Variants in POSTN observed in about 807,000 individuals in gnomAD.
POSTN encodes periostin.
In POSTN, 71 loss-of-function variants were observed where a neutral mutation model predicts 104.5. That is an observed-to-expected ratio of 0.68 (90% confidence interval 0.56 to 0.83). The LOEUF (loss-of-function observed/expected upper bound fraction) is 0.83. Among genes scored for constraint, POSTN ranks in the 40% least tolerant of loss-of-function variants. POSTN has a pLI of 0.00. For synonymous variants in POSTN, 355 were observed against 340.7 expected, an observed-to-expected ratio of 1.04 and a Z score of -0.46; for missense variants, 949 against 1,006.8, an observed-to-expected ratio of 0.94 and a Z score of 0.78.
At chr13:37,594,160 TA>T (rs2138395396) in intron 2 of POSTN, among the ~76,000 whole-genome samples, 1 of 152,228 alleles carries the variant, frequency 6.6e-6, no homozygotes, top group African/African-American at 2.4e-5. Flanking sequence ...AAAGATTGAT[TA>T]ACAATTGCTT....
At position 37,567,012 on chromosome 13, in the gene POSTN, G is replaced by A. The variant is rs558724108; in HGVS notation, c.2431+2288C>T. ...AGCACTTTGGGAGGCCGAGGCGGGC[G>A]GATCACGAGGTCAGGAGATCGAGAC... On this transcript the variant is annotated intron_variant, in intron 21 of 22. Transcript: ENST00000379747. Among the ~76,000 whole-genome samples the A allele has an allele frequency of 2.8e-3, 430 of 151,172 alleles. 1 individual carries two copies. Among genetic ancestry groups the A allele is most frequent in the African/African-American group, 9.9e-3 (408 of 41,092 alleles).
intron 7 of POSTN, among the ~76,000 whole-genome samples, chr13:37,585,625 C>T (rs1453395639): frequency 8.5e-5 from 13 of 152,126 alleles, no homozygotes; most frequent in Admixed American, 7.9e-4. Context: ...AAAATTTTCT[C>T]ATCTTAAATT....
At chr13:37,573,740 G>A (rs557259512) in intron 17 of POSTN, among the ~76,000 whole-genome samples, 97 of 151,558 alleles carry the variant, frequency 6.4e-4, no homozygotes, top group Admixed American at 8.5e-4. Context: ...CTCTGGGTAA[G>A]TTGCTACATT....
Position 37,582,417 on chromosome 13 carries a change from T to C in POSTN, c.1341A>G (p.Gln447=). ...KVGLNELYNG[Q]ILETIGGKQL... ...GTTTGCCTCCGATGGTTTCCAGTAT[T>C]TGCCCGTTGTAAAGCTCATTAAGGC... The change falls in exon 10 of 23, where the codon CAA becomes CAG. Residue 447 remains glutamine (Q), a synonymous_variant. Coordinates refer to ENST00000379747, the MANE Select transcript of POSTN (RefSeq NM_006475.3). 8 of 1,613,960 alleles carry C rather than the reference T, an allele frequency of 5.0e-6. No homozygotes were observed. The highest frequency in any genetic ancestry group is 6.8e-6 in the Non-Finnish European group (8 of 1,179,932).
At chr13:37,588,807 T>C (rs1950836534) in intron 4 of POSTN, among the ~76,000 whole-genome samples, 1 of 152,206 alleles carries the variant, frequency 6.6e-6, no homozygotes, top group South Asian at 2.1e-4. Context: ...ATAACTTTAA[T>C]GCCCTAAGAG....
In POSTN at chr13:37,587,995, A is replaced by C; in HGVS notation, c.442-9T>G. The C allele has an allele frequency of 6.3e-7, 1 of 1,578,352 alleles. No homozygotes were observed. Among genetic ancestry groups the C allele is most frequent in the Non-Finnish European group, 8.7e-7 (1 of 1,155,406 alleles). On this transcript the variant is annotated splice_polypyrimidine_tract_variant and intron_variant, in intron 4 of 22. Coordinates refer to ENST00000379747, the MANE Select transcript of POSTN (RefSeq NM_006475.3). ...AAACCTCTACGGATATCCTAGGAAA[A>C]ATTGCAATGATAGAAATTCAATTTA... is the stretch of plus-strand genomic sequence containing the variant.
At chr13:37,587,058 A>G (rs2138331269) in intron 5 of POSTN, 130 bp from the exon 6 acceptor site, 1 of 750,190 alleles carries the variant, frequency 1.3e-6, no homozygotes, top group Non-Finnish European at 2.1e-6. Context: ...TTGTAAATGT[A>G]AACGCTGTGG....
chr13:37,595,670 A>G (rs1593372902), intron 2 of POSTN, among the ~76,000 whole-genome samples: 1 of 152,202 alleles, frequency 6.6e-6, no homozygotes, highest in Non-Finnish European at 1.5e-5. Flanking sequence ...TTTAAGAACA[A>G]TTGATATTAT....
chr13:37,579,242 A>T lies in POSTN; in HGVS notation c.1778T>A (p.Ile593Asn). ...TAGACAACTTACTTCTTTCAGAAAG[A>T]TTTTGCTTCCTTGTGTGGTCTTTAA... ...NILKTTQGSK[I>N]FLKEVNDTLL... Residue 593 changes from isoleucine (I) to asparagine (N), a missense_variant, in exon 13 of 23, where the codon ATC (isoleucine) becomes AAC (asparagine). Transcript: ENST00000379747. 1 of 1,611,518 alleles carries T rather than the reference A, an allele frequency of 6.2e-7. No individual in the cohort carries two copies. The highest frequency in any genetic ancestry group is 8.5e-7 in the Non-Finnish European group (1 of 1,177,866).
rs184897811 is a variant in POSTN, at chr13:37,597,457, C to T, written c.120-175G>A. Among the ~76,000 whole-genome samples, 27 of 152,014 alleles carry T rather than the reference C, an allele frequency of 1.8e-4. No individual in the cohort carries two copies. In the East Asian group the frequency reaches 3.1e-3, roughly 17 times the overall value. The stretch of plus-strand genomic sequence containing the variant: ...CAATCCTACTGAATTGTTGAAAAAC[C>T]GAAAGTCTACAGGAGGTGGCAGGGA... On this transcript the variant is annotated intron_variant, in intron 1 of 22. Coordinates refer to ENST00000379747, the MANE Select transcript of POSTN (RefSeq NM_006475.3).
chr13:37,597,261 T>A lies in POSTN; in HGVS notation c.141A>T (p.Gln47His), dbSNP rs1277390178. The change falls in exon 2 of 23, where the codon CAA (glutamine) becomes CAT (histidine). Residue 47 changes from glutamine (Q) to histidine (H), a missense_variant. By Grantham distance (24) the Gln-to-His change is conservative (BLOSUM62 0). Transcript: ENST00000379747. ...RDQGPNVCAL[Q>H]QILGTKKKYF... ...ATTTCTTTTTGGTGCCCAAAATCTG[T>A]TGAAGGGCACAGACATTTGGGCTGG... The A allele has an allele frequency of 1.0e-5, 16 of 1,587,168 alleles. No homozygotes were observed. Among genetic ancestry groups the A allele is most frequent in the Non-Finnish European group, 1.4e-5 (16 of 1,169,676 alleles).
intron 12 of POSTN, 131 bp from the exon 13 acceptor site, chr13:37,579,490 A>G (rs777413557): frequency 2.1e-5 from 16 of 779,912 alleles, no homozygotes; most frequent in African/African-American, 1.6e-4. Flanking sequence ...TCTCTCAAGT[A>G]GATATCGATG....
intron 5 of POSTN, 21 bp downstream of exon 5, chr13:37,587,801 C>A (rs778604037): frequency 1.5e-5 from 23 of 1,511,864 alleles, no homozygotes; most frequent in South Asian, 8.4e-5. Context: ...CATAAGTGTA[C>A]TTTTTACTGA....
At position 37,562,758 on chromosome 13, in the gene POSTN, A is replaced by C. The variant is rs1031401247; in HGVS notation, c.*575T>G. ...TTATTGAAACGTTTGAGATTAAAAA[A>C]TATGCATTGCAAGAAGCATATGACA... On this transcript the variant is annotated 3_prime_UTR_variant, in exon 23 of 23. Coordinates refer to ENST00000379747, the MANE Select transcript of POSTN (RefSeq NM_006475.3). The C allele has an allele frequency of 2.6e-5, 4 of 152,222 alleles. No homozygotes were observed. Among genetic ancestry groups the C allele is most frequent in the African/African-American group, 9.6e-5 (4 of 41,454 alleles). The allele number at this position is 152,222 out of a possible 1,614,324, so 9.4% of individuals were successfully genotyped here.
At chr13:37,595,696 A>G (rs1248725869) in intron 2 of POSTN, among the ~76,000 whole-genome samples, 1 of 152,178 alleles carries the variant, frequency 6.6e-6, no homozygotes. Flanking sequence ...ATGGTTACTT[A>G]GTAATTTCAC....
At chr13:37,578,550 C>A (rs1950480835) in intron 15 of POSTN, among the ~76,000 whole-genome samples, 1 of 152,086 alleles carries the variant, frequency 6.6e-6, no homozygotes, top group Admixed American at 6.5e-5. Flanking sequence ...GTAATCCTGG[C>A]ACTTTAGGAG....
At chr13:37,595,855 C>G (rs1951070762) in intron 2 of POSTN, among the ~76,000 whole-genome samples, 1 of 148,618 alleles carries the variant, frequency 6.7e-6, no homozygotes, top group Non-Finnish European at 1.5e-5. Flanking sequence ...CTGTTGCCCA[C>G]TCGGGAGTGC....
intron 7 of POSTN, 69 bp downstream of exon 7, chr13:37,586,070 G>A: frequency 6.9e-7 from 1 of 1,439,510 alleles, no homozygotes; most frequent in Non-Finnish European, 9.3e-7. Flanking sequence ...TATTGGTAAG[G>A]ACTAGCCTCT....
intron 21 of POSTN, among the ~76,000 whole-genome samples, chr13:37,567,198 T>G (rs940362426): frequency 3.6e-5 from 4 of 112,426 alleles, no homozygotes; most frequent in Non-Finnish European, 6.8e-5. Flanking sequence ...ATCCCGCCAC[T>G]GCACTCCAGC....
Sources: allele counts gnomAD v4.1 joint callset (sites outside exome capture counted in the v4.1 genomes callset), GRCh38; gene constraint gnomAD v4.1.1; transcripts MANE v1.5; gene names NCBI Gene and HGNC (gene_info 2026-07-23, HGNC 2026-07-21).